The following PLEKHA4 variants were observed in gnomAD, a reference collection of about 807,000 sequenced individuals.
PLEKHA4 encodes the protein pleckstrin homology domain containing A4.
PLEKHA4 carries 73 observed loss-of-function variants against 94.7 expected under a neutral mutation model. That is an observed-to-expected ratio of 0.77 (90% CI 0.64 to 0.94). The LOEUF (loss-of-function observed/expected upper bound fraction) is 0.94, where lower values mean the gene tolerates loss of function less well. Ranked by LOEUF, PLEKHA4 falls within the 40% of genes least tolerant of loss-of-function variation. The pLI is 0.00. For missense variants in PLEKHA4, 1,049 were observed against 1,054.1 expected (o/e 1.00, Z 0.07); for synonymous variants, 449 against 437.1 (o/e 1.03, Z -0.34).
intron 2 of PLEKHA4, 22 bp from the exon 3 acceptor site, chr19:48,865,632 AG>A (rs763074231): frequency 2.7e-5 from 42 of 1,551,466 alleles, no homozygotes; most frequent in Non-Finnish European, 3.7e-5. Flanking sequence ...AGGGGACAGA[AG>A]TGAACAGGGA....
Position 48,837,389 on chromosome 19 carries a change from G to C in PLEKHA4, c.2240C>G (p.Pro747Arg), listed in dbSNP as rs1392659246. The C allele has an allele frequency of 3.1e-6, 5 of 1,613,602 alleles. No individual in the cohort carries two copies. The highest frequency in any genetic ancestry group is 2.2e-5 in the South Asian group (2 of 91,070). ...RGSGRGGGPT[P>R]WGPAWDAGIA... is the part of the protein sequence containing the mutation. ...CCCGGCATCCCACGCGGGCCCCCAG[G>C]GGGTGGGACCTCCTCCACGCCCACT... The change falls in exon 20 of 20, where the codon CCC becomes CGC. Residue 747 changes from proline (P) to arginine (R), a missense_variant. Transcript: ENST00000263265. This position sits in a 1 kb window ranked among gnomAD's most constrained non-coding sequence, Gnocchi z 4.3.
At position 48,845,631 on chromosome 19, in the gene PLEKHA4, A is replaced by T; in HGVS notation, c.1567-15T>A. The T allele has an allele frequency of 6.6e-7, 1 of 1,507,750 alleles. No individual in the cohort carries two copies. Among genetic ancestry groups the T allele is most frequent in the Non-Finnish European group, 9.0e-7 (1 of 1,113,044 alleles). 93.4% of individuals were successfully genotyped at this position (1,507,750 alleles called of 1,614,324 possible). A position where few individuals can be genotyped will look rare whatever the true frequency, so the allele number is the denominator to read the frequency against. On this transcript the variant is annotated splice_polypyrimidine_tract_variant and intron_variant, in intron 14 of 19. Transcript: ENST00000263265. ...TCTGGCAGGCTCTGCGGGGATTAGA[A>T]AAGGGGGATAATGATGATCATTATA...
rs778428596 is a variant in PLEKHA4 at position 48,837,344 on chromosome 19, G to T, written c.2285C>A (p.Pro762Gln). ...WDAGIAPPVL[P>Q]QDEGAWPLRV... ...CAGAGGCCATGCCCCCTCGTCTTGT[G>T]GCAGGACCGGAGGGGCGATCCCGGC... Residue 762 changes from proline to glutamine, a missense_variant, in exon 20 of 20, where the codon CCA becomes CAA. By Grantham distance (76) the Pro-to-Gln change is moderately conservative (BLOSUM62 -1). Coordinates refer to ENST00000263265, the MANE Select transcript of PLEKHA4 (RefSeq NM_020904.3). The surrounding 1 kb of genome is among the most constrained non-coding windows in gnomAD (Gnocchi z 4.3). 2 of 1,613,840 alleles carry T rather than the reference G, an allele frequency of 1.2e-6. No individual in the cohort carries two copies. The highest frequency in any genetic ancestry group is 4.5e-5 in the East Asian group (2 of 44,872).
intron 9 of PLEKHA4, among the ~76,000 whole-genome samples, chr19:48,855,557 T>C (rs1259434342): frequency 6.6e-6 from 1 of 151,904 alleles, no homozygotes; most frequent in East Asian, 1.9e-4. Context: ...CGAGCCGAGA[T>C]CGTGCCATTG....
intron 8 of PLEKHA4, 77 bp from the exon 9 acceptor site, chr19:48,857,573 A>C: frequency 1.2e-6 from 1 of 818,098 alleles, no homozygotes; most frequent in Non-Finnish European, 2.0e-6. Flanking sequence ...TGTACTAAGA[A>C]AAATTCTTCT....
At position 48,837,348 on chromosome 19, in the gene PLEKHA4, G is replaced by A; in HGVS notation, c.2281C>T (p.Leu761=). The A allele has an allele frequency of 3.1e-6, 5 of 1,613,800 alleles. No individual in the cohort carries two copies. The highest frequency in any genetic ancestry group is 4.2e-6 in the Non-Finnish European group (5 of 1,180,014). The change falls in exon 20 of 20, where the codon CTG becomes TTG. Residue 761 remains leucine, a synonymous_variant. Transcript: ENST00000263265. This position sits in a 1 kb window ranked among gnomAD's most constrained non-coding sequence, Gnocchi z 4.3. Reference sequence around the variant, plus strand: ...GGCCATGCCCCCTCGTCTTGTGGCAGGACCGGAGGGGCGATCCCGGCATCC... The same window carrying A: ...GGCCATGCCCCCTCGTCTTGTGGCAAGACCGGAGGGGCGATCCCGGCATCC... ...AWDAGIAPPV[L]PQDEGAWPLR...
intron 14 of PLEKHA4, 31 bp downstream of exon 14, chr19:48,847,869 T>G (rs756977000): frequency 8.5e-6 from 13 of 1,526,446 alleles, no homozygotes; most frequent in Non-Finnish European, 8.8e-6. Context: ...GACATGAAGC[T>G]TGGGGTGGGG....
chr19:48,848,564 G>A (rs1045194968), intron 13 of PLEKHA4, among the ~76,000 whole-genome samples: 3 of 151,592 alleles, frequency 2.0e-5, no homozygotes, highest in Non-Finnish European at 4.4e-5. Flanking sequence ...AAGCCGAGGC[G>A]GGTGGATCAC....
In PLEKHA4 at chr19:48,837,525, G is replaced by GGTCT. The variant is rs1462101799; in HGVS notation, c.2100_2103dup (p.Pro702ArgfsTer28). 1 of 1,613,338 alleles carries GGTCT rather than the reference G, an allele frequency of 6.2e-7. No individual in the cohort carries two copies. Among genetic ancestry groups the GGTCT allele is most frequent in the Admixed American group, 1.7e-5 (1 of 59,866 alleles). ...GGAGGCAGCGGCACACCGGGAAGAG[G>GGTCT]GTCTCCCTGGGAGTCCAAATTTCCA... On this transcript the variant is annotated frameshift_variant, in exon 20 of 20. Transcript: ENST00000263265. LOFTEE classifies it low-confidence loss of function (END_TRUNC). The surrounding 1 kb of genome is among the most constrained non-coding windows in gnomAD (Gnocchi z 4.3).
At position 48,839,203 on chromosome 19, in the gene PLEKHA4, A is replaced by T. The variant is rs891055877; in HGVS notation, c.1964+2T>A. ...CCCTTGATACGCCCTCCAGTTCCTT[A>T]CCTACTCCAGGACCCAGAGCTTCTG... On this transcript the variant is annotated splice_donor_variant, in intron 18 of 19. Coordinates refer to ENST00000263265, the MANE Select transcript of PLEKHA4 (RefSeq NM_020904.3). LOFTEE classifies it high-confidence loss of function. 34 of 1,583,752 alleles carry T rather than the reference A, an allele frequency of 2.1e-5. No individual in the cohort carries two copies. Among genetic ancestry groups the T allele is most frequent in the Non-Finnish European group, 2.3e-5 (27 of 1,162,918 alleles).
chr19:48,839,143 C>T lies in PLEKHA4; in HGVS notation c.1964+62G>A, dbSNP rs111244743. On this transcript the variant is annotated intron_variant, in intron 18 of 19. Transcript: ENST00000263265. Reference sequence around the variant, plus strand: ...TCAGGAGACTTTAATAATAATGCTACTCCCCTTTGCTTTTGCAAATTTTTT... The same window carrying T: ...TCAGGAGACTTTAATAATAATGCTATTCCCCTTTGCTTTTGCAAATTTTTT... The T allele has an allele frequency of 1.8e-3, 2,102 of 1,165,804 alleles. 32 individuals carry two copies. The African/African-American group carries it at 0.028, about 16-fold the overall frequency. The allele number at this position is 1,165,804 out of a possible 1,614,324, so 72.2% of individuals were successfully genotyped here.
chr19:48,854,162 A>G (rs548748838), intron 10 of PLEKHA4, 55 bp downstream of exon 10: 2 of 1,612,726 alleles, frequency 1.2e-6, no homozygotes, highest in South Asian at 2.2e-5. Context: ...ATCATCTAGA[A>G]CATTCTCTCC....
chr19:48,856,771 C>T (rs1393027331), intron 9 of PLEKHA4, among the ~76,000 whole-genome samples: 8 of 138,236 alleles, frequency 5.8e-5, no homozygotes, highest in Non-Finnish European at 1.2e-4. Context: ...TGGTGGCGGG[C>T]GCCTGTAGTC....
Position 48,853,757 on chromosome 19 carries a change from C to A in PLEKHA4, c.1251G>T (p.Gly417=). The change falls in exon 12 of 20, where the codon GGG becomes GGT. Residue 417 remains glycine (G), a synonymous_variant. Transcript: ENST00000263265. ...GQATREAGAP[G]RAWGRQRLLQ... ...AGAGGCGCTGGCGACCCCAGGCCCT[C>A]CCGGGAGCCCCAGCCTCCCTGGTGG... 1 of 1,612,932 alleles carries A rather than the reference C, an allele frequency of 6.2e-7. No individual in the cohort carries two copies. Among genetic ancestry groups the A allele is most frequent in the Non-Finnish European group, 8.5e-7 (1 of 1,179,672 alleles).
chr19:48,860,781 G>A (rs1419434670), intron 5 of PLEKHA4, among the ~76,000 whole-genome samples: 1 of 146,742 alleles, frequency 6.8e-6, no homozygotes, highest in African/African-American at 2.5e-5. Context: ...AGAAAGAAAG[G>A]AAAGAGGGAA....
intron 11 of PLEKHA4, 54 bp downstream of exon 11, chr19:48,853,953 G>T: frequency 6.2e-7 from 1 of 1,609,848 alleles, no homozygotes; most frequent in Non-Finnish European, 8.5e-7. Flanking sequence ...TTCAGGAAGG[G>T]CTCAGGGCAG....
At chr19:48,866,388 C>A (rs967055236) in intron 2 of PLEKHA4, among the ~76,000 whole-genome samples, 1 of 152,100 alleles carries the variant, frequency 6.6e-6, no homozygotes, top group Non-Finnish European at 1.5e-5. Context: ...CTCACTGCAA[C>A]CCCTGCCTCT....
Position 48,867,494 on chromosome 19 carries a change from C to G in PLEKHA4, c.84+43G>C. 6.4e-7 allele frequency: 1 copy of G among 1,556,046 alleles called. No individual in the cohort carries two copies. The highest frequency in any genetic ancestry group is 8.7e-7 in the Non-Finnish European group (1 of 1,149,302). On this transcript the variant is annotated intron_variant, in intron 2 of 19. Coordinates refer to ENST00000263265, the MANE Select transcript of PLEKHA4 (RefSeq NM_020904.3). This position sits in a 1 kb window ranked among gnomAD's most constrained non-coding sequence, Gnocchi z 4.7. ...TGGGGAAACAGAAGGATGGGCGGCC[C>G]AGAGCCCCACCTTCCTCCCCATCCC...
intron 18 of PLEKHA4, among the ~76,000 whole-genome samples, 180 bp downstream of exon 18, chr19:48,839,025 G>T (rs2035653561): frequency 6.6e-6 from 1 of 152,122 alleles, no homozygotes; most frequent in Admixed American, 6.6e-5. Context: ...AGGAACTAAA[G>T]ATATCACTAC....
Sources: gnomAD v4.1 joint callset for allele counts (sites outside exome capture counted in the v4.1 genomes callset) on GRCh38, gnomAD v4.1.1 for gene constraint, Gnocchi (gnomAD v3.1) non-coding constraint, MANE v1.5 for transcripts, NCBI Gene and HGNC (gene_info 2026-07-23, HGNC 2026-07-21) for gene names.